TRIM66: variants seen among roughly 807,000 people sequenced by gnomAD.
TRIM66 encodes tripartite motif-containing protein 66.
Under a neutral mutation model 148.2 loss-of-function variants are expected in TRIM66, and 99 were observed. The observed-to-expected ratio is 0.67, with a 90% confidence interval of 0.57 to 0.79. The LOEUF (loss-of-function observed/expected upper bound fraction) is 0.79, where lower values mean the gene tolerates loss of function less well. TRIM66 is among the 30% of genes least tolerant of loss of function. TRIM66 has a pLI of 0.00. For synonymous variants in TRIM66, 616 were observed against 635.9 expected (o/e 0.97, Z 0.47); for missense variants, 1,666 against 1,697.9 (o/e 0.98, Z 0.33).
intron 6 of TRIM66, among the ~76,000 whole-genome samples, chr11:8,665,575 C>A (rs1173714708): frequency 6.6e-6 from 1 of 152,158 alleles, no homozygotes; most frequent in African/African-American, 2.4e-5. Flanking sequence ...GCCTGGTACA[C>A]AGTAGTCAAT....
intron 6 of TRIM66, among the ~76,000 whole-genome samples, chr11:8,653,096 T>C (rs558582068): frequency 2.0e-5 from 3 of 152,368 alleles, no homozygotes; most frequent in African/African-American, 2.4e-5. Flanking sequence ...TTCACAGTAA[T>C]GCAATAAACT....
intron 12 of TRIM66, among the ~76,000 whole-genome samples, chr11:8,644,617 C>T (rs1480075984): frequency 6.6e-6 from 1 of 152,148 alleles, no homozygotes; most frequent in Non-Finnish European, 1.5e-5. Flanking sequence ...AGTGTACTTA[C>T]CCCACCACAC....
chr11:8,642,119 C>CA (rs2036448668), intron 13 of TRIM66, among the ~76,000 whole-genome samples: 1 of 152,156 alleles, frequency 6.6e-6, no homozygotes, highest in Admixed American at 6.5e-5. Context: ...CCCTTGTGCA[C>CA]AAGTAGATCT....
chr11:8,633,355 TC>T (rs2035592684), intron 15 of TRIM66, among the ~76,000 whole-genome samples: 1 of 152,110 alleles, frequency 6.6e-6, no homozygotes, highest in African/African-American at 2.4e-5. Flanking sequence ...TAGGAGTACT[TC>T]TAAAACACTT....
intron 24 of TRIM66, 133 bp downstream of exon 24, chr11:8,618,617 G>T (rs1032415298): frequency 5.0e-6 from 4 of 807,838 alleles, no homozygotes; most frequent in Non-Finnish European, 7.9e-6. Flanking sequence ...GGGCTAAGGG[G>T]CTGGAAGTGA....
chr11:8,678,251 A>G (rs1233888096), intron 3 of TRIM66: 2 of 152,022 alleles, frequency 1.3e-5, no homozygotes, highest in Non-Finnish European at 2.9e-5. Context: ...AAAGAATACA[A>G]TAAGAATTTT....
intron 15 of TRIM66, among the ~76,000 whole-genome samples, chr11:8,625,445 G>A (rs572631359): frequency 7.2e-6 from 1 of 138,758 alleles, no homozygotes; most frequent in South Asian, 2.4e-4. Context: ...TAGAGAGAGA[G>A]GCACAAGCGG....
In TRIM66 at chr11:8,640,698, G is replaced by T; in HGVS notation, c.1677C>A (p.Val559=). The T allele has an allele frequency of 6.4e-7, 1 of 1,551,654 alleles. No homozygotes were observed. The highest frequency in any genetic ancestry group is 8.7e-7 in the Non-Finnish European group (1 of 1,147,004). Residue 559 remains valine, a synonymous_variant, in exon 14 of 25, where the codon GTC becomes GTA. Transcript: ENST00000646038. ...QQLTSQPVCI[V]PPQDVQQGAH... ...CTCCTTGCTGAACATCCTGTGGGGG[G>T]ACAATGCACACGGGCTGGGAAGTCA...
chr11:8,626,206 T>C (rs1352161395), intron 15 of TRIM66, among the ~76,000 whole-genome samples: 3 of 152,172 alleles, frequency 2.0e-5, no homozygotes, highest in African/African-American at 7.2e-5. Flanking sequence ...CAGGAATGTG[T>C]AAGTTTCATA....
Position 8,616,038 on chromosome 11 carries a change from A to G in TRIM66, c.*1906T>C, listed in dbSNP as rs1377875433. On this transcript the variant is annotated 3_prime_UTR_variant, in exon 25 of 25. Coordinates refer to ENST00000646038, the MANE Select transcript of TRIM66 (RefSeq NM_001388022.1). ...ACAGAGAAGGAGATTCAAAAATTGA[A>G]AGGGAAATGACCAGACCCCAAACCA... The G allele has an allele frequency of 6.6e-6, 1 of 152,248 alleles. No individual in the cohort carries two copies. Among genetic ancestry groups the G allele is most frequent in the Non-Finnish European group, 1.5e-5 (1 of 68,074 alleles). 9.4% of individuals were successfully genotyped at this position (152,248 alleles called of 1,614,324 possible).
chr11:8,641,489 A>G (rs550372756), intron 13 of TRIM66, among the ~76,000 whole-genome samples: 2 of 152,270 alleles, frequency 1.3e-5, no homozygotes, highest in South Asian at 4.1e-4. Context: ...TCAGACTCTC[A>G]CAAAAAGAAT....
intron 6 of TRIM66, among the ~76,000 whole-genome samples, chr11:8,664,458 C>T (rs2038461519): frequency 6.6e-6 from 1 of 152,106 alleles, no homozygotes; most frequent in Non-Finnish European, 1.5e-5. Context: ...TTTGACCTTA[C>T]CGGGCAGTAG....
At chr11:8,648,583 G>C in intron 8 of TRIM66, 35 bp from the exon 9 acceptor site, 1 of 1,550,084 alleles carries the variant, frequency 6.5e-7, no homozygotes, top group Non-Finnish European at 8.7e-7. Flanking sequence ...AGCTTCTCTT[G>C]CTCAGGTAGA....
chr11:8,680,256 G>A lies in TRIM66; in HGVS notation c.-547-193C>T, dbSNP rs548177115. 2.0e-4 allele frequency among the ~76,000 whole-genome samples: 30 copies of A among 152,330 alleles called. No individual in the cohort carries two copies. The South Asian group carries it at 5.8e-3, about 29-fold the overall frequency. On this transcript the variant is annotated intron_variant, in intron 1 of 24. Transcript: ENST00000646038. ...GGCTGGGGTAAGGCTGGAAAGGCAA[G>A]TGGGCTATATTCTGTTGGTCATAAG...
intron 6 of TRIM66, among the ~76,000 whole-genome samples, chr11:8,658,205 T>C (rs2037998496): frequency 6.6e-6 from 1 of 152,200 alleles, no homozygotes; most frequent in Non-Finnish European, 1.5e-5. Flanking sequence ...TTTCTGTTTA[T>C]CTCGAAGGCT....
intron 20 of TRIM66, 49 bp downstream of exon 20, chr11:8,620,983 G>C: frequency 2.6e-6 from 4 of 1,523,092 alleles, no homozygotes; most frequent in Non-Finnish European, 3.5e-6. Flanking sequence ...ATCATCCCTG[G>C]AAGGTAACCC....
upstream of TRIM66, chr11:8,682,965 C>G (rs1399240989): frequency 9.1e-7 from 1 of 1,099,644 alleles, no homozygotes; most frequent in African/African-American, 1.6e-5. Context: ...GGCGCGGGCC[C>G]GGGGCGGGGC....
chr11:8,678,216 T>C (rs2039268135), intron 3 of TRIM66: 1 of 152,172 alleles, frequency 6.6e-6, no homozygotes, highest in Non-Finnish European at 1.5e-5. Context: ...ATACAAATGC[T>C]CATTCCATCA....
chr11:8,682,748 C>T, upstream of TRIM66: 2 of 1,610,012 alleles, frequency 1.2e-6, no homozygotes, highest in African/African-American at 1.3e-5. Context: ...GCGTTTTGCC[C>T]CGCCCCCGTG....
Sources: gnomAD v4.1 joint callset for allele counts (sites outside exome capture counted in the v4.1 genomes callset) on GRCh38, gnomAD v4.1.1 for gene constraint, MANE v1.5 for transcripts, NCBI Gene and HGNC (gene_info 2026-07-23, HGNC 2026-07-21) for gene names.